CCDC192: variants seen among roughly 807,000 people sequenced by gnomAD.
The protein encoded by CCDC192 is coiled-coil domain-containing protein 192.
At chr5:127,762,184 A>G (rs185157780) in intron 3 of CCDC192, among the ~76,000 whole-genome samples, 5 of 152,320 alleles carry the variant, frequency 3.3e-5, no homozygotes, top group Non-Finnish European at 5.9e-5. Context: ...TGACATGCCA[A>G]TCTGAAATCA....
At chr5:127,912,610 A>C (rs1214693126) in intron 6 of CCDC192, among the ~76,000 whole-genome samples, 2 of 152,154 alleles carry the variant, frequency 1.3e-5, no homozygotes, top group African/African-American at 4.8e-5. Flanking sequence ...GCAGCCTCTT[A>C]TCAGAGGTGG....
intron 2 of CCDC192, among the ~76,000 whole-genome samples, chr5:127,719,464 T>TAC (rs59235327): frequency 9.0e-6 from 1 of 110,586 alleles, no homozygotes; most frequent in Non-Finnish European, 1.9e-5. Flanking sequence ...TACATATATA[T>TAC]ACAGACACAT....
chr5:127,937,027 G>A (rs559625993), intron 6 of CCDC192, among the ~76,000 whole-genome samples: 2 of 152,312 alleles, frequency 1.3e-5, no homozygotes, highest in African/African-American at 4.8e-5. Context: ...TAGGACTTGA[G>A]GCTCTTGAAG....
rs1039120356 is a variant in CCDC192 at position 127,880,636 on chromosome 5, A to T, written c.535+4975A>T. On this transcript the variant is annotated intron_variant, in intron 6 of 6. Transcript: ENST00000514853. ...TAAATAAATAAAATGAAAATAAATTAAAAAAAAAACAAAACATCTCCAATA... is the reference window on the plus strand; with the variant it reads ...TAAATAAATAAAATGAAAATAAATTTAAAAAAAAACAAAACATCTCCAATA... Among the ~76,000 whole-genome samples, 39 of 146,446 alleles carry T rather than the reference A, an allele frequency of 2.7e-4. 1 individual carries two copies. In the South Asian group the frequency reaches 3.4e-3, roughly 13 times the overall value.
intron 3 of CCDC192, among the ~76,000 whole-genome samples, chr5:127,762,333 A>T (rs1754976966): frequency 6.6e-6 from 1 of 152,224 alleles, no homozygotes; most frequent in African/African-American, 2.4e-5. Flanking sequence ...TCATTAAACA[A>T]TTTGGCTAGC....
chr5:127,839,340 TACATAACCACATC>T (rs1188760119), intron 5 of CCDC192, among the ~76,000 whole-genome samples: 1 of 152,216 alleles, frequency 6.6e-6, no homozygotes, highest in East Asian at 1.9e-4. Flanking sequence ...AAGAGAGGAA[TACATAACCACATC>T]ACTACAAATG....
intron 6 of CCDC192, among the ~76,000 whole-genome samples, chr5:127,911,908 A>G (rs245158): frequency 1.3e-5 from 2 of 151,162 alleles, no homozygotes; most frequent in African/African-American, 2.4e-5. Flanking sequence ...CTTTACTCAC[A>G]TATCTCCCAC....
chr5:127,875,252 C>T (rs1331867830), intron 5 of CCDC192, among the ~76,000 whole-genome samples: 1 of 152,116 alleles, frequency 6.6e-6, no homozygotes, highest in African/African-American at 2.4e-5. Context: ...CTTCTAACTG[C>T]CTCTATTATA....
At chr5:127,761,599 CAAT>C (rs958828659) in intron 3 of CCDC192, among the ~76,000 whole-genome samples, 41 of 152,024 alleles carry the variant, frequency 2.7e-4, no homozygotes, top group African/African-American at 9.7e-4. Context: ...TGATATGAAA[CAAT>C]AAAACCTAAG....
At chr5:127,764,522 C>T (rs1438138961) in intron 3 of CCDC192, among the ~76,000 whole-genome samples, 1 of 152,146 alleles carries the variant, frequency 6.6e-6, no homozygotes, top group Non-Finnish European at 1.5e-5. Context: ...CATGCAGGCT[C>T]AATTTACCAC....
rs993699706 is a variant in CCDC192 at position 127,926,469 on chromosome 5, G to A, written c.536-14713G>A. ...GATTGAGAACGTATTTTGTGAAAGA[G>A]AATTATAAGGATGTGGAGGTGAAGG... On this transcript the variant is annotated intron_variant, in intron 6 of 6. Coordinates refer to ENST00000514853, the MANE Select transcript of CCDC192 (RefSeq NM_001317938.2). 2.0e-5 allele frequency among the ~76,000 whole-genome samples: 3 copies of A among 152,286 alleles called. No individual in the cohort carries two copies. The South Asian group carries it at 6.2e-4, about 32-fold the overall frequency.
At chr5:127,884,570 C>A (rs1752493933) in intron 6 of CCDC192, among the ~76,000 whole-genome samples, 1 of 152,004 alleles carries the variant, frequency 6.6e-6, no homozygotes, top group Non-Finnish European at 1.5e-5. Context: ...TTTGATTTCC[C>A]TGCTCATACC....
chr5:127,928,162 C>T (rs1216379942), intron 6 of CCDC192, among the ~76,000 whole-genome samples: 3 of 151,956 alleles, frequency 2.0e-5, no homozygotes, highest in African/African-American at 4.8e-5. Context: ...TCAGGTAATC[C>T]GCCTGCCTCA....
rs551205101 is a variant in CCDC192, at chr5:127,738,518, C to T, written c.115-15750C>T. ...GGAAGTTCTCCTGGATAATATCCTG[C>T]AGAGTGTTTTCCAACTTGGTTCCAT... On this transcript the variant is annotated intron_variant, in intron 2 of 6. Transcript: ENST00000514853. Among the ~76,000 whole-genome samples, 837 of 143,742 alleles carry T rather than the reference C, an allele frequency of 5.8e-3. 11 individuals carry two copies. The highest frequency in any genetic ancestry group is 0.021 in the African/African-American group (793 of 37,848). The allele number at this position is 143,742 out of a possible 152,430, so 94.3% of individuals were successfully genotyped here. A position where few individuals can be genotyped will look rare whatever the true frequency, so the allele number is the denominator to read the frequency against.
At chr5:127,722,591 G>A (rs902050369) in intron 2 of CCDC192, among the ~76,000 whole-genome samples, 3 of 152,118 alleles carry the variant, frequency 2.0e-5, no homozygotes, top group Admixed American at 2.0e-4. Context: ...TCATAGTTGA[G>A]GTCTTAGATT....
intron 6 of CCDC192, among the ~76,000 whole-genome samples, chr5:127,932,722 T>G (rs1754073406): frequency 6.6e-6 from 1 of 152,198 alleles, no homozygotes; most frequent in Admixed American, 6.5e-5. Context: ...TGCACTATTT[T>G]GGGCACAGGG....
chr5:127,704,129 T>C (rs1308769827), intron 1 of CCDC192, among the ~76,000 whole-genome samples: 2 of 152,188 alleles, frequency 1.3e-5, no homozygotes, highest in African/African-American at 2.4e-5. Flanking sequence ...CTACATCCTA[T>C]AGGGCAGTAT....
At chr5:127,888,103 T>C (rs568017879) in intron 6 of CCDC192, among the ~76,000 whole-genome samples, 1 of 152,202 alleles carries the variant, frequency 6.6e-6, no homozygotes, top group Middle Eastern at 3.4e-3. Flanking sequence ...ATATGTATTG[T>C]GATCGTATTG....
chr5:127,811,197 T>C (rs1436950528), intron 5 of CCDC192, among the ~76,000 whole-genome samples: 1 of 152,186 alleles, frequency 6.6e-6, no homozygotes, highest in Non-Finnish European at 1.5e-5. Flanking sequence ...TTCCTCCCCT[T>C]AGGTTTTTCT....
Sources: gnomAD v4.1 joint callset for allele counts (sites outside exome capture counted in the v4.1 genomes callset) on GRCh38, gnomAD v4.1.1 for gene constraint, MANE v1.5 for transcripts, NCBI Gene and HGNC (gene_info 2026-07-23, HGNC 2026-07-21) for gene names.